LRRFIP2: variants seen among roughly 807,000 people sequenced by gnomAD.
LRRFIP2 encodes the protein leucine-rich repeat flightless-interacting protein 2.
In LRRFIP2, 109 loss-of-function variants were observed where a neutral mutation model predicts 125.9. That is an observed-to-expected ratio of 0.87 (90% confidence interval 0.74 to 1.01). The LOEUF (loss-of-function observed/expected upper bound fraction) is 1.01. LRRFIP2 is among the 50% of genes least tolerant of loss of function. The pLI is 0.00. For missense variants in LRRFIP2, 850 were observed against 862.3 expected (o/e 0.99, Z 0.18); for synonymous variants, 291 against 293.1 (o/e 0.99, Z 0.07).
At chr3:37,157,564 A>G (rs1010234181) in intron 1 of LRRFIP2, among the ~76,000 whole-genome samples, 6 of 152,100 alleles carry the variant, frequency 3.9e-5, no homozygotes, top group African/African-American at 1.2e-4. Flanking sequence ...GAGAGAGGGG[A>G]AAAGAGGAAG....
rs143314448 is a variant in LRRFIP2 at position 37,102,989 on chromosome 3, G to C, written c.808C>G (p.Arg270Gly). ...ACAACACTTCCCCTACGATTGGAGC[G>C]ACTGAAATAATCAGCGGCAGATACC... is the stretch of plus-strand genomic sequence containing the variant. The part of the protein sequence containing the change: ...SVVSAADYFS[R>G]SNRRGSVVSE... The change falls in exon 15 of 28, where the codon CGC (arginine) becomes GGC (glycine). Residue 270 changes from arginine (R) to glycine (G), a missense_variant. Coordinates refer to ENST00000336686, the MANE Select transcript of LRRFIP2 (RefSeq NM_006309.4). 1.3e-6 allele frequency: 2 copies of C among 1,565,060 alleles called. No individual in the cohort carries two copies. The highest frequency in any genetic ancestry group is 8.7e-7 in the Non-Finnish European group (1 of 1,153,006).
Position 37,053,675 on chromosome 3 carries a change from GTTCA to G in LRRFIP2, c.*172_*175del, listed in dbSNP as rs2086011853. On this transcript the variant is annotated 3_prime_UTR_variant, in exon 28 of 28. Transcript: ENST00000336686. ...ATCAAACTACAACAAAATCCAAAGT[GTTCA>G]TTCATGTAGATTCAAAATGACTTCA... The G allele has an allele frequency of 1.7e-6, 1 of 586,298 alleles. No homozygotes were observed. The highest frequency in any genetic ancestry group is 1.9e-5 in the African/African-American group (1 of 53,498). 36.3% of individuals were successfully genotyped at this position (586,298 alleles called of 1,614,324 possible). A position where few individuals can be genotyped will look rare whatever the true frequency, so the allele number is the denominator to read the frequency against.
chr3:37,130,126 T>A (rs1352217397), intron 2 of LRRFIP2, among the ~76,000 whole-genome samples: 1 of 152,142 alleles, frequency 6.6e-6, no homozygotes, highest in Non-Finnish European at 1.5e-5. Context: ...TCATTCCCCA[T>A]TAACCCTTTC....
chr3:37,119,951 C>T (rs766742537), intron 6 of LRRFIP2, among the ~76,000 whole-genome samples: 4 of 151,932 alleles, frequency 2.6e-5, no homozygotes, highest in South Asian at 2.1e-4. Context: ...TGTGAGCCAC[C>T]GCTCCCGGCC....
rs1167830341 is a variant in LRRFIP2, at chr3:37,055,547, A to G, written c.1871-382T>C. Among the ~76,000 whole-genome samples the G allele has an allele frequency of 2.0e-5, 3 of 152,148 alleles. No homozygotes were observed. In the East Asian group the frequency reaches 5.8e-4, roughly 29 times the overall value. ...CGCCACTGCACTCCAGCCTGGCAAC[A>G]GAGCGATACTCCGTCCCCCTGCCAA... is the stretch of plus-strand genomic sequence containing the variant. On this transcript the variant is annotated intron_variant, in intron 25 of 27. Transcript: ENST00000336686.
chr3:37,127,559 A>T (rs1036192662), intron 4 of LRRFIP2, 71 bp downstream of exon 4: 2 of 1,472,428 alleles, frequency 1.4e-6, no homozygotes, highest in African/African-American at 2.8e-5. Flanking sequence ...ACTATTAGTT[A>T]ATGTTTTACT....
chr3:37,100,884 C>T (rs1328834811), intron 15 of LRRFIP2, among the ~76,000 whole-genome samples: 1 of 152,016 alleles, frequency 6.6e-6, no homozygotes, highest in African/African-American at 2.4e-5. Flanking sequence ...TAGACCCACA[C>T]CAAGATGATA....
chr3:37,159,989 CAAAAAAAAAAAAAAAAA>C (rs58005486), intron 1 of LRRFIP2, among the ~76,000 whole-genome samples: 1 of 46,940 alleles, frequency 2.1e-5, no homozygotes, highest in Admixed American at 3.7e-4. Flanking sequence ...GCCCTATGCG[CAAAAAAAAAAAAAAAAA>C]AAAAAAAAAA....
intron 18 of LRRFIP2, among the ~76,000 whole-genome samples, chr3:37,088,550 T>C (rs2149127041): frequency 6.7e-6 from 1 of 148,786 alleles, no homozygotes; most frequent in Non-Finnish European, 1.5e-5. Flanking sequence ...TGGTGGCTAA[T>C]GTCTGTCATC....
chr3:37,164,715 C>T (rs185562976), intron 1 of LRRFIP2, among the ~76,000 whole-genome samples: 7 of 147,334 alleles, frequency 4.8e-5, no homozygotes, highest in Admixed American at 1.3e-4. Flanking sequence ...AAAAAGACTC[C>T]GTCTCAAAAA....
intron 2 of LRRFIP2, among the ~76,000 whole-genome samples, chr3:37,136,959 G>A (rs868781761): frequency 5.9e-4 from 56 of 95,378 alleles, no homozygotes; most frequent in African/African-American, 2.0e-3. Flanking sequence ...TCTTTTTTGG[G>A]GGGGGTGGGG....
chr3:37,075,053 CTTCT>C lies in LRRFIP2; in HGVS notation c.1338_1341del (p.Glu447AlafsTer19). ...ATAAGCTCATCTCTTTGCCGCAGGC[CTTCT>C]TTAAGTTCTTCCATCTTATGCTGCA... is the stretch of plus-strand genomic sequence containing the variant. On this transcript the variant is annotated frameshift_variant, in exon 20 of 28. Transcript: ENST00000336686. LOFTEE classifies it high-confidence loss of function. The C allele has an allele frequency of 6.2e-7, 1 of 1,612,912 alleles. No individual in the cohort carries two copies. Among genetic ancestry groups the C allele is most frequent in the Non-Finnish European group, 8.5e-7 (1 of 1,179,758 alleles).
At chr3:37,098,338 T>C (rs1559828957) in intron 15 of LRRFIP2, among the ~76,000 whole-genome samples, 1 of 152,194 alleles carries the variant, frequency 6.6e-6, no homozygotes, top group East Asian at 1.9e-4. Flanking sequence ...GCAGGTTTGT[T>C]ACATATGTAT....
Position 37,072,866 on chromosome 3 carries a change from T to G in LRRFIP2, c.1388A>C (p.Gln463Pro), listed in dbSNP as rs780569562. 1 of 1,611,504 alleles carries G rather than the reference T, an allele frequency of 6.2e-7. No individual in the cohort carries two copies. The highest frequency in any genetic ancestry group is 1.6e-4 in the Middle Eastern group (1 of 6,078). Residue 463 changes from glutamine (Q) to proline (P), a missense_variant, in exon 21 of 28, where the codon CAG (glutamine) becomes CCG (proline). By Grantham distance (76) the Gln-to-Pro change is moderately conservative. Transcript: ENST00000336686. The stretch of plus-strand genomic sequence containing the variant: ...TTTTGTCATGGTGTCTATTTTCTGC[T>G]GCATGCGCTGCTTCTCCTGCAGAGG... The part of the protein sequence containing the change: ...DELIEEKQRM[Q>P]QKIDTMTKEV...
At chr3:37,116,880 T>A (rs1006630964) in intron 6 of LRRFIP2, among the ~76,000 whole-genome samples, 6 of 152,132 alleles carry the variant, frequency 3.9e-5, no homozygotes, top group African/African-American at 1.4e-4. Context: ...CCAATTTTAT[T>A]GGAGCAAAAT....
chr3:37,104,487 A>G (rs950534628), intron 14 of LRRFIP2, among the ~76,000 whole-genome samples: 16 of 152,320 alleles, frequency 1.1e-4, no homozygotes, highest in African/African-American at 3.6e-4. Context: ...ATGGTAACAA[A>G]TCTCTCCAAC....
At chr3:37,128,916 T>C in intron 3 of LRRFIP2, 147 bp downstream of exon 3, 1 of 698,320 alleles carries the variant, frequency 1.4e-6, no homozygotes. Context: ...TTTAATTTGC[T>C]GGCACAGAAT....
intron 1 of LRRFIP2, among the ~76,000 whole-genome samples, chr3:37,161,835 A>C (rs2096354348): frequency 6.6e-6 from 1 of 151,952 alleles, no homozygotes; most frequent in Admixed American, 6.6e-5. Flanking sequence ...AAGAAAGAAA[A>C]ATATATAAGG....
intron 2 of LRRFIP2, among the ~76,000 whole-genome samples, chr3:37,134,280 T>C (rs1057482644): frequency 2.6e-5 from 4 of 152,114 alleles, no homozygotes; most frequent in Non-Finnish European, 5.9e-5. Context: ...TTTAAATTTG[T>C]AGAATATTCA....
Sources: allele counts gnomAD v4.1 joint callset (sites outside exome capture counted in the v4.1 genomes callset), GRCh38; gene constraint gnomAD v4.1.1; transcripts MANE v1.5; gene names NCBI Gene and HGNC (gene_info 2026-07-23, HGNC 2026-07-21).